COMMD6: variants seen among roughly 807,000 people sequenced by gnomAD.
COMMD6 encodes COMM domain-containing protein 6.
COMMD6 carries 11 observed loss-of-function variants against 13.4 expected under a neutral mutation model. The observed-to-expected ratio is 0.82, with a 90% CI of 0.52 to 1.36. The LOEUF is 1.36. Among genes scored for constraint, COMMD6 ranks in the 40% most tolerant of loss-of-function variants. The pLI is 0.00. For missense variants in COMMD6, 124 were observed against 102.4 expected (o/e 1.21, Z -0.91); for synonymous variants, 43 against 36.5 (o/e 1.18, Z -0.64).
At chr13:75,541,080 C>G, upstream of COMMD6, among the ~76,000 whole-genome samples, 1 of 152,134 alleles carries the variant, frequency 6.6e-6, no homozygotes, top group East Asian at 1.9e-4. Flanking sequence ...TCCTGCTGAA[C>G]TTGAGTATAG....
chr13:75,537,343 C>A (rs999368939), intron 2 of COMMD6: 1 of 1,550,562 alleles, frequency 6.4e-7, no homozygotes, highest in East Asian at 2.4e-5. Context: ...GCTATCTCTG[C>A]AAATTTTCCT....
chr13:75,537,986 G>A, upstream of COMMD6: 1 of 498,002 alleles, frequency 2.0e-6, no homozygotes, highest in South Asian at 3.9e-5. Flanking sequence ...AGGAGACATT[G>A]AGCTAAAAGA....
upstream of COMMD6, among the ~76,000 whole-genome samples, chr13:75,542,265 G>C (rs1396692277): frequency 6.7e-6 from 1 of 148,296 alleles, no homozygotes; most frequent in Non-Finnish European, 1.5e-5. Context: ...AGCTCTATTT[G>C]TCAAGGTTTC....
chr13:75,545,378 T>C (rs544955090), intron 1 of COMMD6, among the ~76,000 whole-genome samples: 7 of 152,342 alleles, frequency 4.6e-5, no homozygotes, highest in African/African-American at 1.2e-4. Flanking sequence ...GTTGTACAAA[T>C]AGCAAATTTC....
chr13:75,526,651 G>T lies in COMMD6; in HGVS notation c.208-12C>A. ...TGTCTGTAGAAATTCTGGAGAGAAA[G>T]GGGGAAAATAATATTAATTTTGCTT... On this transcript the variant is annotated splice_polypyrimidine_tract_variant and intron_variant, in intron 3 of 3. Transcript: ENST00000682242. The T allele has an allele frequency of 6.3e-7, 1 of 1,581,596 alleles. No individual in the cohort carries two copies. Among genetic ancestry groups the T allele is most frequent in the East Asian group, 2.2e-5 (1 of 44,476 alleles).
chr13:75,545,138 G>A (rs946583667), intron 1 of COMMD6, among the ~76,000 whole-genome samples: 1 of 152,190 alleles, frequency 6.6e-6, no homozygotes, highest in African/African-American at 2.4e-5. Context: ...ATACATTCAA[G>A]GCAGATGATG....
intron 3 of COMMD6, among the ~76,000 whole-genome samples, chr13:75,528,053 C>CAA (rs768140842): frequency 7.2e-6 from 1 of 138,656 alleles, no homozygotes. Context: ...ACACTCTCTC[C>CAA]AAAAAAAAAA....
intron 2 of COMMD6, chr13:75,537,403 C>T: frequency 6.4e-7 from 1 of 1,551,214 alleles, no homozygotes; most frequent in Non-Finnish European, 8.7e-7. Context: ...CTTCGAATAA[C>T]TGTCGCCTAA....
chr13:75,526,377 CTAAT>C lies in COMMD6; in HGVS notation c.*208_*211del, dbSNP rs1406968086. On this transcript the variant is annotated 3_prime_UTR_variant, in exon 4 of 4. Coordinates refer to ENST00000682242, the MANE Select transcript of COMMD6 (RefSeq NM_203495.4). ...TCACCAAGTATATCCTCTAAAGTGTCTAATTATCACTTTTATAAAGCACATTCAC... is the reference window on the plus strand; with the variant it reads ...TCACCAAGTATATCCTCTAAAGTGTCTATCACTTTTATAAAGCACATTCAC... 4.2e-6 allele frequency: 2 copies of C among 475,474 alleles called. No individual in the cohort carries two copies. Among genetic ancestry groups the C allele is most frequent in the South Asian group, 3.6e-5 (1 of 27,968 alleles). 29.5% of individuals were successfully genotyped at this position (475,474 alleles called of 1,614,324 possible).
rs932437430 is a variant in COMMD6 at position 75,526,071 on chromosome 13, G to T, written c.*518C>A. The T allele has an allele frequency of 6.6e-6, 1 of 152,178 alleles. No individual in the cohort carries two copies. The highest frequency in any genetic ancestry group is 2.4e-5 in the African/African-American group (1 of 41,434). 9.4% of individuals were successfully genotyped at this position (152,178 alleles called of 1,614,324 possible). A position where few individuals can be genotyped will look rare whatever the true frequency, so the allele number is the denominator to read the frequency against. ...ACTAATACTGTGTAAAGGAGCAATG[G>T]TCAATCTTAATCTGATTACAAAAGT... On this transcript the variant is annotated 3_prime_UTR_variant, in exon 4 of 4. Transcript: ENST00000682242.
chr13:75,530,968 T>C (rs1446290302), intron 2 of COMMD6, among the ~76,000 whole-genome samples: 1 of 152,240 alleles, frequency 6.6e-6, no homozygotes, highest in Non-Finnish European at 1.5e-5. Context: ...CATGCAGCTG[T>C]TAATACTGCC....
chr13:75,542,221 A>G (rs537696929), upstream of COMMD6, among the ~76,000 whole-genome samples: 2 of 151,242 alleles, frequency 1.3e-5, no homozygotes, highest in South Asian at 4.2e-4. Flanking sequence ...GTTATCTGGC[A>G]TTTATGCATG....
Position 75,529,258 on chromosome 13 carries a change from C to A in COMMD6, c.207+856G>T, listed in dbSNP as rs772745813. On this transcript the variant is annotated intron_variant, in intron 3 of 3. Transcript: ENST00000682242. ...AAACCTGGCCGGGCCCGGTGGCTCA[C>A]GCCTGTAATCCTGGCACTTTGGGAG... Among the ~76,000 whole-genome samples, 3 of 152,132 alleles carry A rather than the reference C, an allele frequency of 2.0e-5. No individual in the cohort carries two copies. In the South Asian group the frequency reaches 6.2e-4, roughly 32 times the overall value.
At position 75,537,787 on chromosome 13, in the gene COMMD6, GC is replaced by G; in HGVS notation, c.18del (p.Glu6AspfsTer15). 1 of 1,610,794 alleles carries G rather than the reference GC, an allele frequency of 6.2e-7. No homozygotes were observed. The highest frequency in any genetic ancestry group is 8.5e-7 in the Non-Finnish European group (1 of 1,177,702). ...ACATCGGACTTAGCATCCAGCGGCG[GC>G]TCGCTGGACGCCTCCATGGGCAGCG... Reference protein sequence around the residue: MEASSEPPLDAKSDVT... With the variant: MEASSXPPLDAKSDVT... On this transcript the variant is annotated frameshift_variant, in exon 1 of 4. Coordinates refer to ENST00000682242, the MANE Select transcript of COMMD6 (RefSeq NM_203495.4). LOFTEE classifies it high-confidence loss of function.
At chr13:75,542,583 C>T (rs753828316), upstream of COMMD6, among the ~76,000 whole-genome samples, 6 of 152,172 alleles carry the variant, frequency 3.9e-5, no homozygotes, top group Non-Finnish European at 7.3e-5. Context: ...GTGACTGCAC[C>T]CAGCCCTTTT....
At chr13:75,527,101 C>G (rs2030291023) in intron 3 of COMMD6, among the ~76,000 whole-genome samples, 1 of 152,168 alleles carries the variant, frequency 6.6e-6, no homozygotes, top group Non-Finnish European at 1.5e-5. Context: ...AAGTTTATTT[C>G]TCTGTCATTT....
At chr13:75,534,295 C>T (rs986828593) in intron 2 of COMMD6, among the ~76,000 whole-genome samples, 2 of 152,104 alleles carry the variant, frequency 1.3e-5, no homozygotes, top group Non-Finnish European at 2.9e-5. Flanking sequence ...GCGTGCAATG[C>T]TAAGTTCCAC....
upstream of COMMD6, chr13:75,537,897 A>G (rs1424862102): frequency 5.9e-6 from 8 of 1,355,688 alleles, no homozygotes; most frequent in Non-Finnish European, 8.1e-6. Context: ...GGCCTGGCGC[A>G]TGGGGCGGAC....
chr13:75,541,818 G>A (rs1399386424), upstream of COMMD6, among the ~76,000 whole-genome samples: 2 of 152,150 alleles, frequency 1.3e-5, no homozygotes, highest in African/African-American at 4.8e-5. Context: ...ATGGTATGCA[G>A]AATAATGGCC....
Sources: gnomAD v4.1 joint callset for allele counts (sites outside exome capture counted in the v4.1 genomes callset) on GRCh38, gnomAD v4.1.1 for gene constraint, MANE v1.5 for transcripts, NCBI Gene and HGNC (gene_info 2026-07-23, HGNC 2026-07-21) for gene names.